The following GRIN2B variants were observed in gnomAD, a reference collection of about 807,000 sequenced individuals.
GRIN2B encodes glutamate ionotropic receptor NMDA type subunit 2B.
In GRIN2B, 5 loss-of-function variants were observed where a neutral mutation model predicts 114.5. The ratio of observed to expected loss-of-function variants is 0.04; its 90% CI spans 0.02 to 0.09. The LOEUF is 0.09. Among genes scored for constraint, GRIN2B ranks in the 10% least tolerant of loss-of-function variants. The probability of loss-of-function intolerance (pLI) is 1.00; values close to 1 mark genes in which losing one functional copy is unlikely to be tolerated. For missense variants in GRIN2B, 1,108 were observed against 1,943.5 expected (o/e 0.57, Z 8.08); for synonymous variants, 787 against 745.1 (o/e 1.06, Z -0.92).
intron 4 of GRIN2B, among the ~76,000 whole-genome samples, chr12:13,680,811 G>A (rs1950123523): frequency 6.6e-6 from 1 of 151,934 alleles, no homozygotes; most frequent in Admixed American, 6.6e-5. Context: ...TGAATCACAT[G>A]GCACATCCTG....
intron 4 of GRIN2B, among the ~76,000 whole-genome samples, chr12:13,692,530 T>C (rs534467677): frequency 6.6e-6 from 1 of 152,048 alleles, no homozygotes; most frequent in Non-Finnish European, 1.5e-5. Flanking sequence ...GTTACTCTGG[T>C]TTCCTCCCAC....
chr12:13,792,950 G>C (rs893551269), intron 3 of GRIN2B, among the ~76,000 whole-genome samples: 1 of 152,206 alleles, frequency 6.6e-6, no homozygotes, highest in Non-Finnish European at 1.5e-5. Flanking sequence ...TAAATGAGTA[G>C]GAAGAAGCAA....
At chr12:13,931,208 T>C (rs1867024892) in intron 2 of GRIN2B, among the ~76,000 whole-genome samples, 1 of 152,170 alleles carries the variant, frequency 6.6e-6, no homozygotes, top group African/African-American at 2.4e-5. Context: ...CAGAACATCA[T>C]TTACTCACAC....
At position 13,560,426 on chromosome 12, in the gene GRIN2B, T is replaced by C. The variant is rs1223671648; in HGVS notation, c.*2357A>G. 6.6e-6 allele frequency: 1 copy of C among 152,190 alleles called. No individual in the cohort carries two copies. The highest frequency in any genetic ancestry group is 2.4e-5 in the African/African-American group (1 of 41,434). 9.4% of individuals were successfully genotyped at this position (152,190 alleles called of 1,614,324 possible). ...ATATTTACATATGAAATAAACACCA[T>C]CTTGATTTCTGTTGCCAGCGGAGAC... On this transcript the variant is annotated 3_prime_UTR_variant, in exon 14 of 14. Coordinates refer to ENST00000609686, the MANE Select transcript of GRIN2B (RefSeq NM_000834.5).
intron 3 of GRIN2B, among the ~76,000 whole-genome samples, chr12:13,861,112 G>C (rs767434825): frequency 1.3e-5 from 2 of 152,176 alleles, no homozygotes; most frequent in Non-Finnish European, 2.9e-5. Flanking sequence ...TATAAACTGA[G>C]TATCATGTAG....
chr12:13,703,998 G>C (rs190048443), intron 4 of GRIN2B, among the ~76,000 whole-genome samples: 33 of 152,298 alleles, frequency 2.2e-4, no homozygotes, highest in African/African-American at 7.2e-4. Flanking sequence ...CTAGGATAAG[G>C]CTATGGCTGC....
At chr12:13,595,800 C>T (rs1949066006) in intron 10 of GRIN2B, among the ~76,000 whole-genome samples, 1 of 152,138 alleles carries the variant, frequency 6.6e-6, no homozygotes, top group African/African-American at 2.4e-5. Flanking sequence ...TTCAGGCAGC[C>T]CTGATTGGCA....
At chr12:13,950,105 A>T (rs755279700) in intron 2 of GRIN2B, among the ~76,000 whole-genome samples, 7 of 152,218 alleles carry the variant, frequency 4.6e-5, no homozygotes, top group Non-Finnish European at 8.8e-5. Flanking sequence ...TCAATTTGCT[A>T]TTTCTACTGA....
At chr12:13,899,913 G>A (rs1481291313) in intron 2 of GRIN2B, among the ~76,000 whole-genome samples, 1 of 152,074 alleles carries the variant, frequency 6.6e-6, no homozygotes, top group Non-Finnish European at 1.5e-5. Context: ...TCTCTAAGCT[G>A]TATAACAGCC....
Position 13,562,585 on chromosome 12 carries a change from G to A in GRIN2B, c.*198C>T. ...CAGCGGGGGGAAGAAGGAGAGAACTGTGAAAAGGAGGAGAGATGGTGCTGG... is the reference window on the plus strand; with the variant it reads ...CAGCGGGGGGAAGAAGGAGAGAACTATGAAAAGGAGGAGAGATGGTGCTGG... On this transcript the variant is annotated 3_prime_UTR_variant, in exon 14 of 14. Transcript: ENST00000609686. The A allele has an allele frequency of 1.7e-6, 1 of 603,204 alleles. No individual in the cohort carries two copies. The highest frequency in any genetic ancestry group is 2.0e-5 in the South Asian group (1 of 50,166). The allele number at this position is 603,204 out of a possible 1,614,324, so 37.4% of individuals were successfully genotyped here. A position where few individuals can be genotyped will look rare whatever the true frequency, so the allele number is the denominator to read the frequency against.
At chr12:13,792,928 G>A (rs2136666471) in intron 3 of GRIN2B, among the ~76,000 whole-genome samples, 1 of 152,320 alleles carries the variant, frequency 6.6e-6, no homozygotes, top group Middle Eastern at 3.4e-3. Context: ...ATTTTGTGGA[G>A]GATTGTGGTC....
At chr12:13,700,701 TCTAA>T (rs1950303893) in intron 4 of GRIN2B, among the ~76,000 whole-genome samples, 1 of 152,170 alleles carries the variant, frequency 6.6e-6, no homozygotes, top group Admixed American at 6.5e-5. Flanking sequence ...CGTCAAACAC[TCTAA>T]CTAATGCCAC....
chr12:13,582,425 G>A (rs2136428303), intron 10 of GRIN2B, among the ~76,000 whole-genome samples: 1 of 152,278 alleles, frequency 6.6e-6, no homozygotes, highest in East Asian at 1.9e-4. Flanking sequence ...TGATGAATCT[G>A]ACGACATTTT....
At chr12:13,924,869 T>C (rs1866888212) in intron 2 of GRIN2B, among the ~76,000 whole-genome samples, 1 of 152,164 alleles carries the variant, frequency 6.6e-6, no homozygotes, top group Non-Finnish European at 1.5e-5. Context: ...TTCACAGTTT[T>C]ACACCCTAGA....
intron 5 of GRIN2B, among the ~76,000 whole-genome samples, chr12:13,649,173 C>A (rs924033134): frequency 6.6e-6 from 1 of 151,860 alleles, no homozygotes; most frequent in African/African-American, 2.4e-5. Context: ...TATGTGAAGC[C>A]GGTAGCATGA....
rs546457168 is a variant in GRIN2B at position 13,563,411 on chromosome 12, G to T, written c.3827C>A (p.Ala1276Asp). 6.2e-7 allele frequency: 1 copy of T among 1,614,196 alleles called. No homozygotes were observed. Among genetic ancestry groups the T allele is most frequent in the East Asian group, 2.2e-5 (1 of 44,876 alleles). Reference sequence around the variant, plus strand: ...GCTCTGAGGGTACTTAGTGGTGGAGGCGTTTGACGTCACCGCCACTGGGGC... The same window carrying T: ...GCTCTGAGGGTACTTAGTGGTGGAGTCGTTTGACGTCACCGCCACTGGGGC... ...PAAPVAVTSN[A>D]STTKYPQSPT... Residue 1276 changes from alanine (A) to aspartate (D), a missense_variant, in exon 14 of 14, where the codon GCC becomes GAC. Physicochemically the swap from Ala to Asp is moderately radical, Grantham distance 126. Coordinates refer to ENST00000609686, the MANE Select transcript of GRIN2B (RefSeq NM_000834.5).
intron 5 of GRIN2B, among the ~76,000 whole-genome samples, chr12:13,671,694 G>A (rs1950023493): frequency 6.6e-6 from 1 of 152,128 alleles, no homozygotes. Context: ...GTCTAAATGG[G>A]AGATTTTCAG....
intron 5 of GRIN2B, among the ~76,000 whole-genome samples, chr12:13,642,057 C>T (rs765122336): frequency 3.9e-5 from 6 of 151,964 alleles, no homozygotes; most frequent in South Asian, 2.1e-4. Flanking sequence ...GGCATGGTAG[C>T]GCACACCTGT....
chr12:13,589,447 A>G (rs1948975457), intron 10 of GRIN2B, among the ~76,000 whole-genome samples: 1 of 152,224 alleles, frequency 6.6e-6, no homozygotes, highest in Admixed American at 6.5e-5. Context: ...AGCTATAGGC[A>G]GTCTGGCAGA....
Sources: gnomAD v4.1 joint callset for allele counts (sites outside exome capture counted in the v4.1 genomes callset) on GRCh38, gnomAD v4.1.1 for gene constraint, MANE v1.5 for transcripts, NCBI Gene and HGNC (gene_info 2026-07-23, HGNC 2026-07-21) for gene names.